The following WWOX variants were observed in gnomAD, a reference collection of about 807,000 sequenced individuals.
WWOX encodes WW domain-containing oxidoreductase.
Under a neutral mutation model 46.2 loss-of-function variants are expected in WWOX, and 69 were observed. The ratio of observed to expected loss-of-function variants is 1.49; its 90% CI spans 1.23 to 1.82. The LOEUF (loss-of-function observed/expected upper bound fraction) is 1.82, where lower values mean the gene tolerates loss of function less well. WWOX is among the 40% of genes most tolerant of loss of function. The probability of loss-of-function intolerance (pLI) is 0.00; values close to 1 mark genes in which losing one functional copy is unlikely to be tolerated. For missense variants in WWOX, 919 were observed against 542.6 expected, an observed-to-expected ratio of 1.69 and a Z score of -6.89; for synonymous variants, 359 against 202.6, an observed-to-expected ratio of 1.77 and a Z score of -6.56.
chr16:78,754,454 G>C (rs1245780723), intron 8 of WWOX, among the ~76,000 whole-genome samples: 3 of 152,146 alleles, frequency 2.0e-5, no homozygotes, highest in Non-Finnish European at 2.9e-5. Flanking sequence ...GGATTTGAAA[G>C]CCAATGTTCT....
At chr16:78,224,940 GTGTCT>G (rs1272280762) in intron 5 of WWOX, among the ~76,000 whole-genome samples, 4 of 152,012 alleles carry the variant, frequency 2.6e-5, no homozygotes, top group Non-Finnish European at 5.9e-5. Context: ...TTCTATCTTG[GTGTCT>G]TTACGTTTGT....
At chr16:78,444,892 C>T (rs939255030) in intron 8 of WWOX, among the ~76,000 whole-genome samples, 3 of 152,150 alleles carry the variant, frequency 2.0e-5, no homozygotes, top group African/African-American at 4.8e-5. Flanking sequence ...TCAAATGCTG[C>T]TGTTACTGTT....
intron 8 of WWOX, among the ~76,000 whole-genome samples, chr16:78,927,406 C>G (rs1281702359): frequency 6.6e-6 from 1 of 152,140 alleles, no homozygotes; most frequent in Non-Finnish European, 1.5e-5. Flanking sequence ...GTTCTTATGT[C>G]TGTTATTACC....
At chr16:78,874,261 A>T (rs1398598893) in intron 8 of WWOX, among the ~76,000 whole-genome samples, 5 of 151,604 alleles carry the variant, frequency 3.3e-5, no homozygotes, top group African/African-American at 1.2e-4. Flanking sequence ...GTCTCAAAAA[A>T]AAAAAAAAAA....
rs933158489 is a variant in WWOX, at chr16:78,843,674, C to T, written c.1057-367934C>T. On this transcript the variant is annotated intron_variant, in intron 8 of 8. Transcript: ENST00000566780. ...CGAGGAGCAAAATAATTCATTCCCTCTCCGTGGCTCAGCATGGATGCAAAT... is the reference window on the plus strand; with the variant it reads ...CGAGGAGCAAAATAATTCATTCCCTTTCCGTGGCTCAGCATGGATGCAAAT... 3.9e-5 allele frequency among the ~76,000 whole-genome samples: 6 copies of T among 152,174 alleles called. 1 individual carries two copies. Among genetic ancestry groups the T allele is most frequent in the Non-Finnish European group, 5.9e-5 (4 of 68,034 alleles).
chr16:78,544,055 G>A (rs184479476), intron 8 of WWOX, among the ~76,000 whole-genome samples: 2 of 152,218 alleles, frequency 1.3e-5, no homozygotes, highest in Admixed American at 6.5e-5. Flanking sequence ...TCCTAGAGTA[G>A]GAAAAGCCTA....
intron 8 of WWOX, among the ~76,000 whole-genome samples, chr16:78,922,359 T>C (rs971480291): frequency 1.7e-4 from 26 of 150,408 alleles, no homozygotes; most frequent in African/African-American, 5.8e-4. Context: ...TTCAGGAATA[T>C]ATTCTGCATA....
In WWOX at chr16:78,459,067, C is replaced by T. The variant is rs571944555; in HGVS notation, c.1056+26315C>T. On this transcript the variant is annotated intron_variant, in intron 8 of 8. Coordinates refer to ENST00000566780, the MANE Select transcript of WWOX (RefSeq NM_016373.4). ...TGGATTACAGTACCTAAATGGAAGC[C>T]AGCAGATGACTTTGGAAGGACTGAT... Among the ~76,000 whole-genome samples the T allele has an allele frequency of 3.3e-5, 5 of 152,206 alleles. No individual in the cohort carries two copies. The South Asian group carries it at 1.0e-3, about 32-fold the overall frequency.
chr16:78,559,977 G>A (rs2044395263), intron 8 of WWOX, among the ~76,000 whole-genome samples: 5 of 152,138 alleles, frequency 3.3e-5, no homozygotes, highest in Admixed American at 3.3e-4. Flanking sequence ...AACTAGCCAA[G>A]GTCTCTGGAG....
At chr16:78,934,549 A>T (rs910231296) in intron 8 of WWOX, among the ~76,000 whole-genome samples, 3 of 151,080 alleles carry the variant, frequency 2.0e-5, no homozygotes, top group African/African-American at 7.3e-5. Flanking sequence ...AACTTACCAA[A>T]CCAAGAAACT....
At chr16:78,706,360 C>G (rs1003801825) in intron 8 of WWOX, among the ~76,000 whole-genome samples, 1 of 152,114 alleles carries the variant, frequency 6.6e-6, no homozygotes, top group East Asian at 1.9e-4. Flanking sequence ...TCTTCTCTCT[C>G]TGCTGTTAAA....
chr16:78,241,828 G>A lies in WWOX; in HGVS notation c.516+77539G>A, dbSNP rs1267382637. On this transcript the variant is annotated intron_variant, in intron 5 of 8. Coordinates refer to ENST00000566780, the MANE Select transcript of WWOX (RefSeq NM_016373.4). ...AGAGGGCGGAGTCAGAGTGACCCAG[G>A]TGGTCACTGCTCCCCTTCTTGTCCA... Among the ~76,000 whole-genome samples the A allele has an allele frequency of 3.9e-5, 6 of 152,162 alleles. No individual in the cohort carries two copies. In the East Asian group the frequency reaches 7.7e-4, roughly 20 times the overall value.
At chr16:78,743,036 GT>G (rs113283922) in intron 8 of WWOX, among the ~76,000 whole-genome samples, 21,631 of 151,936 alleles carry the variant, frequency 0.14, 4,217 homozygotes, top group African/African-American at 0.44. Flanking sequence ...CAGCCGGGAG[GT>G]TAGGTGTCTG....
intron 8 of WWOX, among the ~76,000 whole-genome samples, chr16:78,820,805 A>G (rs149267557): frequency 1.4e-3 from 216 of 152,240 alleles, no homozygotes; most frequent in African/African-American, 5.1e-3. Context: ...TCCTTCTGGA[A>G]GCTATGAGGG....
At chr16:78,902,598 C>T (rs987646700) in intron 8 of WWOX, among the ~76,000 whole-genome samples, 1 of 152,194 alleles carries the variant, frequency 6.6e-6, no homozygotes, top group African/African-American at 2.4e-5. Flanking sequence ...CACCAGCTTC[C>T]CAGTTTTCTC....
At chr16:78,348,045 C>T (rs11865137) in intron 5 of WWOX, among the ~76,000 whole-genome samples, 69,829 of 120,838 alleles carry the variant, frequency 0.58, 28,663 homozygotes, top group African/African-American at 0.69. Context: ...CTTTCTGCTT[C>T]CATCCCCTAA....
At chr16:78,160,402 G>A (rs1375364082) in intron 4 of WWOX, among the ~76,000 whole-genome samples, 2 of 152,160 alleles carry the variant, frequency 1.3e-5, no homozygotes, top group African/African-American at 2.4e-5. Context: ...TGGGATTACA[G>A]CCATGAGCCA....
In WWOX at chr16:78,774,535, C is replaced by T. The variant is rs532374813; in HGVS notation, c.1056+341783C>T. Among the ~76,000 whole-genome samples the T allele has an allele frequency of 8.4e-4, 115 of 136,558 alleles. 3 individuals carry two copies. The East Asian group carries it at 0.019, about 22-fold the overall frequency. 89.6% of individuals were successfully genotyped at this position (136,558 alleles called of 152,430 possible). A position where few individuals can be genotyped will look rare whatever the true frequency, so the allele number is the denominator to read the frequency against. ...GTGTGTGTGTGTGTGTGTGTGTGCG[C>T]GTGCGCACACGCATGAGCCTGTACG... On this transcript the variant is annotated intron_variant, in intron 8 of 8. Transcript: ENST00000566780.
At chr16:78,407,165 A>G (rs187782250) in intron 6 of WWOX, among the ~76,000 whole-genome samples, 391 of 152,186 alleles carry the variant, frequency 2.6e-3, no homozygotes, top group South Asian at 4.6e-3. Context: ...ATTCTACATT[A>G]TTTTTTTCCC....
Sources: gnomAD v4.1 joint callset for allele counts (sites outside exome capture counted in the v4.1 genomes callset) on GRCh38, gnomAD v4.1.1 for gene constraint, MANE v1.5 for transcripts, NCBI Gene and HGNC (gene_info 2026-07-23, HGNC 2026-07-21) for gene names.